Variants in CREB5 observed in about 807,000 individuals in gnomAD.
CREB5 encodes cAMP responsive element binding protein 5, also known as cyclic AMP-responsive element-binding protein 5.
A neutral mutation model predicts 57.1 loss-of-function variants in CREB5; 19 were observed. That is an observed-to-expected ratio of 0.33 (90% CI 0.23 to 0.49). CREB5 has a LOEUF of 0.49. CREB5 is among the 20% of genes least tolerant of loss of function. The pLI is 0.99. For missense variants in CREB5, 579 were observed against 671.6 expected (o/e 0.86, Z 1.52); for synonymous variants, 238 against 238.3 (o/e 1.00, Z 0.01).
At chr7:28,495,804 AG>A (rs1328636184) in intron 3 of CREB5, among the ~76,000 whole-genome samples, 1 of 152,240 alleles carries the variant, frequency 6.6e-6, no homozygotes, top group Non-Finnish European at 1.5e-5. Context: ...TGAGATGGTC[AG>A]TGAAGGTGTC....
In CREB5 at chr7:28,327,888, A is replaced by G. The variant is rs573465678; in HGVS notation, c.-25+28447A>G. Among the ~76,000 whole-genome samples, 4 of 152,340 alleles carry G rather than the reference A, an allele frequency of 2.6e-5. No homozygotes were observed. The South Asian group carries it at 6.2e-4, about 24-fold the overall frequency. On this transcript the variant is annotated intron_variant, in intron 1 of 9. Transcript: ENST00000396299. ...GACTCAATTTGGGGATAAATGAGTT[A>G]CTTTATATTCCACTTCCTTTTTCAA... is the stretch of plus-strand genomic sequence containing the variant.
At chr7:28,423,876 C>G (rs2128011657) in intron 1 of CREB5, among the ~76,000 whole-genome samples, 1 of 152,350 alleles carries the variant, frequency 6.6e-6, no homozygotes, top group East Asian at 1.9e-4. Flanking sequence ...ATCTCTGGCA[C>G]TCAGTGGGTC....
At chr7:28,660,568 C>T (rs1264176869) in intron 5 of CREB5, among the ~76,000 whole-genome samples, 1 of 152,012 alleles carries the variant, frequency 6.6e-6, no homozygotes, top group Non-Finnish European at 1.5e-5. Flanking sequence ...ATTGCACCAT[C>T]CAGTACTGTC....
intron 4 of CREB5, among the ~76,000 whole-genome samples, chr7:28,551,841 CT>C (rs1180223772): frequency 1.4e-5 from 2 of 146,948 alleles, no homozygotes; most frequent in Non-Finnish European, 3.0e-5. Flanking sequence ...TTCTTTCTTT[CT>C]TTTTCTTTCT....
At chr7:28,605,523 T>C (rs536667299) in intron 5 of CREB5, among the ~76,000 whole-genome samples, 8 of 152,248 alleles carry the variant, frequency 5.3e-5, no homozygotes, top group Non-Finnish European at 1.2e-4. Flanking sequence ...ATTTCAAAAA[T>C]ATCTTTTTGG....
chr7:28,476,832 A>G (rs1215375106), intron 1 of CREB5, among the ~76,000 whole-genome samples: 2 of 152,200 alleles, frequency 1.3e-5, no homozygotes, highest in Non-Finnish European at 2.9e-5. Flanking sequence ...AGATGATATG[A>G]TATTTTATGT....
chr7:28,321,829 T>C (rs1156521472), intron 1 of CREB5, among the ~76,000 whole-genome samples: 1 of 152,230 alleles, frequency 6.6e-6, no homozygotes, highest in Non-Finnish European at 1.5e-5. Context: ...AGAGCGCCGA[T>C]GCTCCAAGGG....
chr7:28,641,921 GGCACGTGTGT>G (rs1247178537), intron 5 of CREB5, among the ~76,000 whole-genome samples: 1 of 152,198 alleles, frequency 6.6e-6, no homozygotes, highest in Non-Finnish European at 1.5e-5. Context: ...CAAAAGAAAA[GGCACGTGTGT>G]GCACGTGTGT....
chr7:28,736,464 G>A (rs536597166), intron 7 of CREB5, among the ~76,000 whole-genome samples: 49 of 152,178 alleles, frequency 3.2e-4, no homozygotes, highest in African/African-American at 1.1e-3. Flanking sequence ...CCACTGCGCC[G>A]GACCCCACAC....
chr7:28,708,673 A>T (rs766399733), intron 5 of CREB5, among the ~76,000 whole-genome samples: 1 of 152,214 alleles, frequency 6.6e-6, no homozygotes, highest in African/African-American at 2.4e-5. Context: ...AAATTCCGTC[A>T]TCTATTTGGA....
At chr7:28,622,257 TCTCACACACACACACA>T (rs1797831192) in intron 5 of CREB5, among the ~76,000 whole-genome samples, 3 of 139,222 alleles carry the variant, frequency 2.2e-5, no homozygotes, top group Non-Finnish European at 3.0e-5. Flanking sequence ...TCTCTCTCTC[TCTCACACACACACACA>T]CACACACACA....
chr7:28,431,279 C>T (rs1788703263), intron 1 of CREB5, among the ~76,000 whole-genome samples: 1 of 152,194 alleles, frequency 6.6e-6, no homozygotes, highest in African/African-American at 2.4e-5. Context: ...TCACTGGAAA[C>T]ATCTCAAAGA....
At chr7:28,352,019 A>G (rs1786198004) in intron 1 of CREB5, among the ~76,000 whole-genome samples, 1 of 152,222 alleles carries the variant, frequency 6.6e-6, no homozygotes, top group Non-Finnish European at 1.5e-5. Context: ...TAAAAAAATT[A>G]TTTTTAAAAA....
intron 4 of CREB5, among the ~76,000 whole-genome samples, chr7:28,518,795 C>G (rs567920695): frequency 1.3e-5 from 2 of 152,222 alleles, no homozygotes; most frequent in African/African-American, 4.8e-5. Flanking sequence ...ACACTCCCCC[C>G]ATGTGGATTG....
At chr7:28,723,727 C>T (rs573345504) in intron 6 of CREB5, among the ~76,000 whole-genome samples, 25 of 152,180 alleles carry the variant, frequency 1.6e-4, no homozygotes, top group Non-Finnish European at 2.8e-4. Context: ...TTTATGTTTA[C>T]TATATAAAAT....
intron 1 of CREB5, among the ~76,000 whole-genome samples, chr7:28,419,445 C>T (rs189858268): frequency 3.3e-5 from 5 of 152,326 alleles, no homozygotes; most frequent in African/African-American, 1.2e-4. Context: ...GTCTGCATTT[C>T]TGTGTCTTTG....
chr7:28,701,441 C>G (rs1410399393), intron 5 of CREB5, among the ~76,000 whole-genome samples: 2 of 152,198 alleles, frequency 1.3e-5, no homozygotes, highest in Non-Finnish European at 2.9e-5. Flanking sequence ...CAAACTGTGA[C>G]TTGCTTCTGT....
intron 1 of CREB5, among the ~76,000 whole-genome samples, chr7:28,466,618 T>G (rs1790583143): frequency 6.6e-6 from 1 of 152,120 alleles, no homozygotes; most frequent in African/African-American, 2.4e-5. Flanking sequence ...CAGGAAGCAT[T>G]TCCAAACAAG....
At chr7:28,458,235 C>A (rs953112012) in intron 1 of CREB5, among the ~76,000 whole-genome samples, 2 of 152,082 alleles carry the variant, frequency 1.3e-5, no homozygotes, top group Non-Finnish European at 2.9e-5. Context: ...ACTCACTAAG[C>A]AAATATGTGT....
Sources: allele counts gnomAD v4.1 joint callset (sites outside exome capture counted in the v4.1 genomes callset), GRCh38; gene constraint gnomAD v4.1.1; transcripts MANE v1.5; gene names NCBI Gene and HGNC (gene_info 2026-07-23, HGNC 2026-07-21).